Variants in NF1 observed in about 807,000 individuals in gnomAD.
NF1 encodes neurofibromin.
Under a neutral mutation model 325.7 loss-of-function variants are expected in NF1, and 122 were observed. The observed-to-expected ratio is 0.37, with a 90% CI of 0.32 to 0.44. NF1 has a LOEUF of 0.44. NF1 is among the 20% of genes least tolerant of loss of function. NF1 has a pLI of 1.00. For missense variants in NF1, 2,140 were observed against 3,415.4 expected (o/e 0.63, Z 9.31); for synonymous variants, 1,091 against 1,186.0 (o/e 0.92, Z 1.65).
chr17:31,298,198 T>C (rs2068505121), intron 36 of NF1, among the ~76,000 whole-genome samples: 1 of 152,100 alleles, frequency 6.6e-6, no homozygotes, highest in Non-Finnish European at 1.5e-5. Context: ...TGAAATGATA[T>C]AAAAGGAAAA....
intron 29 of NF1, among the ~76,000 whole-genome samples, chr17:31,237,981 C>G (rs2067231812): frequency 6.6e-6 from 1 of 152,158 alleles, no homozygotes; most frequent in Non-Finnish European, 1.5e-5. Context: ...TGAAAATCAG[C>G]AGCTCTTAGA....
Position 31,358,473 on chromosome 17 carries a change from C to A in NF1, c.7971-7C>A, listed in dbSNP as rs754359027. The stretch of plus-strand genomic sequence containing the variant: ...ATGTTCCTCTGTTGACTTTTTTTTT[C>A]TTTTAGGCATAATTTGTTGGACTCT... On this transcript the variant is annotated splice_polypyrimidine_tract_variant and splice_region_variant and intron_variant, in intron 54 of 57. Coordinates refer to ENST00000358273, the MANE Select transcript of NF1 (RefSeq NM_001042492.3). 6 of 1,599,376 alleles carry A rather than the reference C, an allele frequency of 3.8e-6. No homozygotes were observed. The highest frequency in any genetic ancestry group is 5.1e-6 in the Non-Finnish European group (6 of 1,175,154).
chr17:31,304,042 T>C (rs2068639273), intron 36 of NF1: 9 of 430,066 alleles, frequency 2.1e-5, no homozygotes, highest in Non-Finnish European at 3.7e-5. Flanking sequence ...TAAAATGTAC[T>C]ATACTTTAAA....
chr17:31,196,955 G>GA (rs2066443812), intron 8 of NF1, among the ~76,000 whole-genome samples: 1 of 152,150 alleles, frequency 6.6e-6, no homozygotes. Context: ...TTTCAAATAA[G>GA]AAAGTGTGAG....
In NF1 at chr17:31,258,392, G is replaced by A; in HGVS notation, c.4222G>A (p.Ala1408Thr). 1 of 1,613,890 alleles carries A rather than the reference G, an allele frequency of 6.2e-7. No individual in the cohort carries two copies. The highest frequency in any genetic ancestry group is 8.5e-7 in the Non-Finnish European group (1 of 1,179,908). ...GAACAGCATCGGTGCAGTAGGAAGT[G>A]CCATGTTCCTCAGATTTATCAATCC... ...PQNSIGAVGS[A>T]MFLRFINPAI... Residue 1408 changes from alanine (A) to threonine (T), a missense_variant, in exon 32 of 58, where the codon GCC (alanine) becomes ACC (threonine). Ala to Thr is a moderately conservative substitution (Grantham distance 58). This residue lies in a region of NF1 where 336 missense variants were observed against 399.0 expected (regional missense o/e 0.84). Transcript: ENST00000358273.
intron 29 of NF1, among the ~76,000 whole-genome samples, chr17:31,247,844 A>C (rs1277770660): frequency 6.6e-6 from 1 of 152,252 alleles, no homozygotes. Context: ...GATAAATCTC[A>C]GAAACATAAT....
intron 12 of NF1, among the ~76,000 whole-genome samples, chr17:31,210,517 G>C (rs956533823): frequency 6.6e-6 from 1 of 152,058 alleles, no homozygotes; most frequent in Non-Finnish European, 1.5e-5. Context: ...CCCGGGAGGC[G>C]GAGGTTGCAG....
At chr17:31,179,564 A>T (rs931579547) in intron 5 of NF1, among the ~76,000 whole-genome samples, 1 of 152,178 alleles carries the variant, frequency 6.6e-6, no homozygotes, top group African/African-American at 2.4e-5. Flanking sequence ...AAAATCAATG[A>T]GTCTCCTGAC....
intron 36 of NF1, chr17:31,307,889 T>C (rs953433855): frequency 8.5e-6 from 11 of 1,289,032 alleles, no homozygotes; most frequent in African/African-American, 1.5e-5. Context: ...CAAATTACCT[T>C]TTCAGCATAT....
At chr17:31,200,893 C>CCACA in intron 9 of NF1, 144 bp from the exon 10 acceptor site, 1 of 1,152,572 alleles carries the variant, frequency 8.7e-7, no homozygotes, top group African/African-American at 1.5e-5. Context: ...GACTGATGAA[C>CCACA]CACAGTATGG....
intron 36 of NF1, among the ~76,000 whole-genome samples, chr17:31,309,948 G>GTAC (rs1244703309): frequency 6.6e-6 from 1 of 152,144 alleles, no homozygotes; most frequent in Non-Finnish European, 1.5e-5. Flanking sequence ...CCACATCAGA[G>GTAC]TACTAGAAAC....
intron 30 of NF1, chr17:31,251,523 TCTC>T (rs1243236705): frequency 1.0e-5 from 2 of 194,828 alleles, no homozygotes; most frequent in African/African-American, 4.6e-5. Context: ...TGTTTTCACT[TCTC>T]CTGATGGTTT....
intron 12 of NF1, among the ~76,000 whole-genome samples, chr17:31,208,672 C>T (rs185415256): frequency 1.3e-5 from 2 of 152,242 alleles, no homozygotes; most frequent in South Asian, 4.1e-4. Context: ...GTGCGGATCA[C>T]CTGAGGTCAG....
intron 36 of NF1, among the ~76,000 whole-genome samples, chr17:31,287,542 C>CTCTGTG (rs987459488): frequency 5.8e-4 from 84 of 145,588 alleles, no homozygotes; most frequent in African/African-American, 2.0e-3. Context: ...TCATTCATAA[C>CTCTGTG]TGTGTGTGTG....
intron 30 of NF1, chr17:31,251,824 G>A (rs374833347): frequency 9.4e-6 from 2 of 211,886 alleles, no homozygotes; most frequent in African/African-American, 4.5e-5. Flanking sequence ...TTGACCTGTA[G>A]GTACACAGTA....
chr17:31,235,026 A>C (rs1426370422), intron 27 of NF1, among the ~76,000 whole-genome samples: 1 of 152,168 alleles, frequency 6.6e-6, no homozygotes, highest in African/African-American at 2.4e-5. Context: ...ATAGATAGAA[A>C]TTTCAGCCCT....
intron 36 of NF1, among the ~76,000 whole-genome samples, chr17:31,286,728 C>A (rs1432994473): frequency 1.3e-5 from 2 of 152,200 alleles, no homozygotes; most frequent in African/African-American, 4.8e-5. Flanking sequence ...TACTCTTACA[C>A]TACATAATAT....
intron 14 of NF1, among the ~76,000 whole-genome samples, chr17:31,220,794 A>C (rs1191057154): frequency 6.6e-6 from 1 of 152,168 alleles, no homozygotes; most frequent in East Asian, 1.9e-4. Flanking sequence ...AAGTTTTATC[A>C]AACAAAAATA....
intron 13 of NF1, among the ~76,000 whole-genome samples, chr17:31,218,717 G>A (rs1265971774): frequency 2.6e-5 from 4 of 152,020 alleles, no homozygotes; most frequent in Middle Eastern, 3.4e-3. Flanking sequence ...GACCACAGGC[G>A]CATGCCACCA....
Sources: allele counts gnomAD v4.1 joint callset (sites outside exome capture counted in the v4.1 genomes callset), GRCh38; gene constraint gnomAD v4.1.1; regional missense constraint gnomAD v4.1.1; transcripts MANE v1.5; gene names NCBI Gene and HGNC (gene_info 2026-07-23, HGNC 2026-07-21).